PDE10A: variants seen among roughly 807,000 people sequenced by gnomAD.
PDE10A encodes the protein phosphodiesterase 10A.
A neutral mutation model predicts 97.7 loss-of-function variants in PDE10A; 39 were observed. That is an observed-to-expected ratio of 0.40 (90% CI 0.31 to 0.52). The LOEUF (loss-of-function observed/expected upper bound fraction) is 0.52, where lower values mean the gene tolerates loss of function less well. Among genes scored for constraint, PDE10A ranks in the 20% least tolerant of loss-of-function variants. The pLI, the probability that PDE10A is intolerant of heterozygous loss-of-function variation, is 0.56. For synonymous variants in PDE10A, 371 were observed against 376.8 expected (o/e 0.98, Z 0.18); for missense variants, 731 against 1,047.8 (o/e 0.70, Z 4.17).
chr6:165,651,308 T>C (rs913295858), intron 1 of PDE10A, among the ~76,000 whole-genome samples: 5 of 152,256 alleles, frequency 3.3e-5, no homozygotes, highest in Admixed American at 3.3e-4. Flanking sequence ...TTTGTCTTGT[T>C]CATCTCCTTT....
chr6:165,745,272 C>T (rs750401198), intron 1 of PDE10A, among the ~76,000 whole-genome samples: 4 of 152,088 alleles, frequency 2.6e-5, no homozygotes, highest in Non-Finnish European at 5.9e-5. Context: ...TTGTATTATC[C>T]GCCATATATA....
chr6:165,589,559 A>T (rs1786125993), intron 1 of PDE10A, among the ~76,000 whole-genome samples: 1 of 152,180 alleles, frequency 6.6e-6, no homozygotes, highest in Non-Finnish European at 1.5e-5. Context: ...TTGGGAGTAC[A>T]TAGGTATTCA....
At chr6:165,784,466 C>T (rs1778441829) in intron 1 of PDE10A, among the ~76,000 whole-genome samples, 1 of 152,098 alleles carries the variant, frequency 6.6e-6, no homozygotes, top group African/African-American at 2.4e-5. Flanking sequence ...CATTTCAAAA[C>T]TTGAATATGG....
At position 165,714,959 on chromosome 6, in the gene PDE10A, C is replaced by T. The variant is rs113616082; in HGVS notation, c.-614-171391G>A. On this transcript the variant is annotated intron_variant, in intron 1 of 19. Transcript: ENST00000366882. ...CCTCAGTGGGTTGTTCCCTTGCTCT[C>T]CGCAAAGCCCTGAGGAGCACAAAGA... Among the ~76,000 whole-genome samples the T allele has an allele frequency of 7.1e-3, 1,078 of 152,330 alleles. 11 individuals are homozygous for T. Among genetic ancestry groups the T allele is most frequent in the African/African-American group, 0.024 (1,012 of 41,570 alleles).
At chr6:165,654,824 A>G (rs1375899254) in intron 1 of PDE10A, among the ~76,000 whole-genome samples, 1 of 152,074 alleles carries the variant, frequency 6.6e-6, no homozygotes, top group East Asian at 1.9e-4. Flanking sequence ...TGCTCTCTGG[A>G]GCATCTGGCT....
At chr6:165,889,502 T>C (rs11756670) in intron 1 of PDE10A, among the ~76,000 whole-genome samples, 57,134 of 151,954 alleles carry the variant, frequency 0.38, 11,477 homozygotes, top group East Asian at 0.66. Flanking sequence ...CAGGCTTACA[T>C]CTGCACTCAG....
At chr6:165,537,988 G>A (rs1309073787) in intron 2 of PDE10A, among the ~76,000 whole-genome samples, 1 of 151,750 alleles carries the variant, frequency 6.6e-6, no homozygotes, top group Non-Finnish European at 1.5e-5. Context: ...CGAATGTTTT[G>A]GCAAAGTAAT....
intron 16 of PDE10A, among the ~76,000 whole-genome samples, chr6:165,391,922 A>G (rs962846513): frequency 3.3e-5 from 5 of 152,214 alleles, no homozygotes; most frequent in Admixed American, 2.0e-4. Flanking sequence ...AAAAGATGAT[A>G]CCAGTTTTTA....
chr6:165,827,168 G>A (rs1017286405), intron 1 of PDE10A, among the ~76,000 whole-genome samples: 4 of 152,190 alleles, frequency 2.6e-5, no homozygotes, highest in Non-Finnish European at 1.5e-5. Context: ...GTGCGCTCAG[G>A]TGGAGCGCGG....
chr6:165,654,337 C>T (rs556953033), intron 1 of PDE10A, among the ~76,000 whole-genome samples: 4 of 152,262 alleles, frequency 2.6e-5, no homozygotes, highest in Admixed American at 6.5e-5. Flanking sequence ...GCCGGCCTCC[C>T]GCTCTCCCCA....
chr6:165,694,379 G>A (rs374291733), intron 1 of PDE10A, among the ~76,000 whole-genome samples: 2 of 152,212 alleles, frequency 1.3e-5, no homozygotes, highest in Non-Finnish European at 2.9e-5. Flanking sequence ...AGTGGGCTGC[G>A]GGCACAGCCA....
At chr6:165,713,571 G>A (rs1791954732) in intron 1 of PDE10A, among the ~76,000 whole-genome samples, 1 of 152,194 alleles carries the variant, frequency 6.6e-6, no homozygotes, top group Admixed American at 6.5e-5. Context: ...GACCAGGAGA[G>A]GAGGGAGGGT....
chr6:165,840,731 T>G (rs1218147415), intron 1 of PDE10A, among the ~76,000 whole-genome samples: 6 of 152,230 alleles, frequency 3.9e-5, no homozygotes, highest in African/African-American at 1.4e-4. Flanking sequence ...AACACACTCT[T>G]ATTTTTTGTC....
At chr6:165,673,289 A>G (rs1194759000) in intron 1 of PDE10A, among the ~76,000 whole-genome samples, 1 of 152,256 alleles carries the variant, frequency 6.6e-6, no homozygotes, top group African/African-American at 2.4e-5. Context: ...AATTCTATTT[A>G]CAAAAGCCAA....
At position 165,694,892 on chromosome 6, in the gene PDE10A, A is replaced by G. The variant is rs115312527; in HGVS notation, c.-614-151324T>C. 4.4e-3 allele frequency among the ~76,000 whole-genome samples: 665 copies of G among 152,348 alleles called. 2 individuals carry two copies. The highest frequency in any genetic ancestry group is 0.015 in the African/African-American group (630 of 41,584). On this transcript the variant is annotated intron_variant, in intron 1 of 19. Transcript: ENST00000366882. ...TTACCTCCCTAAAAACAGGATAGTA[A>G]CAAGTTTTCAGCTTCCTCATGTCTT...
chr6:165,955,768 G>A (rs1784117090), intron 1 of PDE10A, among the ~76,000 whole-genome samples: 1 of 152,206 alleles, frequency 6.6e-6, no homozygotes, highest in Admixed American at 6.5e-5. Context: ...GTGTTAACTA[G>A]TAGTGCAAAC....
chr6:165,623,016 G>T (rs1201707174), intron 1 of PDE10A, among the ~76,000 whole-genome samples: 3 of 152,144 alleles, frequency 2.0e-5, no homozygotes, highest in Non-Finnish European at 2.9e-5. Context: ...TTCACCTTCT[G>T]CCATGAGTGT....
intron 2 of PDE10A, among the ~76,000 whole-genome samples, chr6:165,487,142 A>C (rs923114990): frequency 6.6e-6 from 1 of 152,244 alleles, no homozygotes; most frequent in Admixed American, 6.5e-5. Flanking sequence ...CAGTGGCTTT[A>C]AAAATATGTT....
chr6:165,612,711 C>T (rs1787554397), intron 1 of PDE10A, among the ~76,000 whole-genome samples: 1 of 152,136 alleles, frequency 6.6e-6, no homozygotes, highest in Non-Finnish European at 1.5e-5. Context: ...TTAAAGTATA[C>T]TTCAAGAAAC....
Sources: gnomAD v4.1 joint callset for allele counts (sites outside exome capture counted in the v4.1 genomes callset) on GRCh38, gnomAD v4.1.1 for gene constraint, MANE v1.5 for transcripts, NCBI Gene and HGNC (gene_info 2026-07-23, HGNC 2026-07-21) for gene names.